TGDS: variants seen among roughly 807,000 people sequenced by gnomAD.
TGDS encodes TDP-glucose 4,6-dehydratase.
In TGDS, 47 loss-of-function variants were observed where a neutral mutation model predicts 52.3. The observed-to-expected ratio is 0.90, with a 90% CI of 0.71 to 1.15. The LOEUF (loss-of-function observed/expected upper bound fraction) is 1.15. Ranked by LOEUF, TGDS falls within the 50% of genes most tolerant of loss-of-function variation. TGDS has a pLI of 0.00. For missense variants in TGDS, 375 were observed against 418.4 expected (o/e 0.90, Z 0.90); for synonymous variants, 115 against 136.9 (o/e 0.84, Z 1.12).
chr13:94,574,324 A>G lies in TGDS; in HGVS notation c.*458T>C, dbSNP rs1311031674. ...GTTAGATATGCTTCTATTTTGTTCCATTATTAAGGCAATGATAGCATATCA... is the reference window on the plus strand; with the variant it reads ...GTTAGATATGCTTCTATTTTGTTCCGTTATTAAGGCAATGATAGCATATCA... On this transcript the variant is annotated 3_prime_UTR_variant, in exon 12 of 12. Transcript: ENST00000261296. 6.5e-6 allele frequency: 1 copy of G among 152,742 alleles called. No homozygotes were observed. The highest frequency in any genetic ancestry group is 1.9e-4 in the East Asian group (1 of 5,220). The allele number at this position is 152,742 out of a possible 1,614,324, so 9.5% of individuals were successfully genotyped here. A position where few individuals can be genotyped will look rare whatever the true frequency, so the allele number is the denominator to read the frequency against.
chr13:94,585,661 G>A (rs1030709805), intron 4 of TGDS, among the ~76,000 whole-genome samples: 2 of 151,822 alleles, frequency 1.3e-5, no homozygotes, highest in Non-Finnish European at 2.9e-5. Flanking sequence ...TAAACCGGGC[G>A]TGGTGGCACA....
intron 4 of TGDS, among the ~76,000 whole-genome samples, chr13:94,584,611 C>T (rs1031679706): frequency 6.6e-6 from 1 of 152,220 alleles, no homozygotes; most frequent in African/African-American, 2.4e-5. Context: ...AATAAGCACT[C>T]CCAGTGCCCA....
intron 4 of TGDS, among the ~76,000 whole-genome samples, chr13:94,589,433 G>C (rs544070604): frequency 6.6e-6 from 1 of 151,636 alleles, no homozygotes; most frequent in African/African-American, 2.4e-5. Flanking sequence ...TCCTGCCTCA[G>C]CCTCCCGAGT....
rs773851379 is a variant in TGDS, at chr13:94,590,952, A to G, written c.223-9T>C. On this transcript the variant is annotated splice_polypyrimidine_tract_variant and intron_variant, in intron 3 of 11. Transcript: ENST00000261296. ...GAATCACATATGTCACCCTATATGA[A>G]AAAGCAAACATGAAAGGGCCTAGGT... The G allele has an allele frequency of 1.8e-5, 28 of 1,563,592 alleles. No individual in the cohort carries two copies. The highest frequency in any genetic ancestry group is 1.7e-4 in the Middle Eastern group (1 of 5,990).
intron 10 of TGDS, among the ~76,000 whole-genome samples, chr13:94,577,143 G>A (rs969308792): frequency 6.6e-6 from 1 of 152,046 alleles, no homozygotes; most frequent in South Asian, 2.1e-4. Context: ...TTTCACACTG[G>A]AGGTTTGAAA....
chr13:94,584,060 C>G (rs1888894519), intron 4 of TGDS, among the ~76,000 whole-genome samples: 1 of 152,166 alleles, frequency 6.6e-6, no homozygotes, highest in African/African-American at 2.4e-5. Context: ...GTTGTTGAGG[C>G]TGTTAGGCAA....
intron 5 of TGDS, 40 bp from the exon 6 acceptor site, chr13:94,581,229 A>G: frequency 7.6e-7 from 1 of 1,310,016 alleles, no homozygotes; most frequent in South Asian, 1.4e-5. Context: ...TGTTATGCAT[A>G]TTTTAAGTAT....
At chr13:94,583,511 G>A (rs1170314983) in intron 4 of TGDS, among the ~76,000 whole-genome samples, 1 of 152,030 alleles carries the variant, frequency 6.6e-6, no homozygotes, top group Non-Finnish European at 1.5e-5. Flanking sequence ...AATAATACAT[G>A]AAAATTTAAA....
At chr13:94,595,825 G>A (rs930481145) in intron 1 of TGDS, 2 of 596,816 alleles carry the variant, frequency 3.4e-6, no homozygotes, top group Admixed American at 2.9e-5. Context: ...AGGGCGGAGA[G>A]TAACGCAGCT....
At chr13:94,584,878 A>G (rs1281001555) in intron 4 of TGDS, among the ~76,000 whole-genome samples, 1 of 152,220 alleles carries the variant, frequency 6.6e-6, no homozygotes, top group East Asian at 1.9e-4. Context: ...GATTAAAACA[A>G]ACAAAATCAA....
At chr13:94,585,802 A>C (rs1888958501) in intron 4 of TGDS, among the ~76,000 whole-genome samples, 1 of 18,934 alleles carries the variant, frequency 5.3e-5, no homozygotes, top group Non-Finnish European at 1.0e-4. Flanking sequence ...TCTGTCTCAA[A>C]AAAAAAAAAA....
At chr13:94,585,792 T>C (rs889192750) in intron 4 of TGDS, among the ~76,000 whole-genome samples, 1 of 96,944 alleles carries the variant, frequency 1.0e-5, no homozygotes, top group African/African-American at 4.6e-5. Flanking sequence ...AGAACAAGAC[T>C]CTGTCTCAAA....
intron 4 of TGDS, among the ~76,000 whole-genome samples, chr13:94,590,438 CT>C (rs1889155923): frequency 1.3e-5 from 2 of 151,860 alleles, no homozygotes; most frequent in African/African-American, 4.8e-5. Context: ...CATTATTTAA[CT>C]ATTTCTAAAT....
At chr13:94,593,068 C>T (rs555277225) in intron 2 of TGDS, among the ~76,000 whole-genome samples, 30 of 152,056 alleles carry the variant, frequency 2.0e-4, no homozygotes, top group Admixed American at 7.9e-4. Flanking sequence ...GCAGGAGAAT[C>T]GCTTGAACCC....
chr13:94,585,687 C>T (rs1465100950), intron 4 of TGDS, among the ~76,000 whole-genome samples: 2 of 151,584 alleles, frequency 1.3e-5, no homozygotes, highest in African/African-American at 4.9e-5. Flanking sequence ...GTAATCCCAG[C>T]TACTTGGTAG....
Position 94,577,090 on chromosome 13 carries a change from G to A in TGDS, c.884+281C>T, listed in dbSNP as rs562496104. ...GCACTCCAGCCTGGCAACAGAGCGA[G>A]ATTCTGTCTCCAAAAAAAAAAAAAA... On this transcript the variant is annotated intron_variant, in intron 10 of 11. Coordinates refer to ENST00000261296, the MANE Select transcript of TGDS (RefSeq NM_014305.4). Among the ~76,000 whole-genome samples, 4 of 148,018 alleles carry A rather than the reference G, an allele frequency of 2.7e-5. No individual in the cohort carries two copies. The South Asian group carries it at 8.5e-4, about 31-fold the overall frequency.
At chr13:94,582,571 G>A (rs551399250) in intron 5 of TGDS, among the ~76,000 whole-genome samples, 1 of 152,352 alleles carries the variant, frequency 6.6e-6, no homozygotes, top group African/African-American at 2.4e-5. Context: ...AACTTGACGG[G>A]ATTGAAGGAT....
Position 94,583,244 on chromosome 13 carries a change from A to C in TGDS, c.314-8T>G. Reference sequence around the variant, plus strand: ...CACGTACGAATGAAAGATCTAAAAGAAAAGAGTGAAAAGCTAAAACAAGTC... The same window carrying C: ...CACGTACGAATGAAAGATCTAAAAGCAAAGAGTGAAAAGCTAAAACAAGTC... On this transcript the variant is annotated splice_polypyrimidine_tract_variant and splice_region_variant and intron_variant, in intron 4 of 11. Coordinates refer to ENST00000261296, the MANE Select transcript of TGDS (RefSeq NM_014305.4). 2 of 1,609,352 alleles carry C rather than the reference A, an allele frequency of 1.2e-6. No homozygotes were observed. The highest frequency in any genetic ancestry group is 1.7e-6 in the Non-Finnish European group (2 of 1,178,642).
chr13:94,590,587 A>G (rs1889160702), intron 4 of TGDS, among the ~76,000 whole-genome samples: 2 of 152,198 alleles, frequency 1.3e-5, no homozygotes, highest in African/African-American at 4.8e-5. Context: ...AATACAGTTG[A>G]CGGCCCATCT....
Sources: gnomAD v4.1 joint callset for allele counts (sites outside exome capture counted in the v4.1 genomes callset) on GRCh38, gnomAD v4.1.1 for gene constraint, MANE v1.5 for transcripts, NCBI Gene and HGNC (gene_info 2026-07-23, HGNC 2026-07-21) for gene names.